Variants in DNAAF9 observed in about 807,000 individuals in gnomAD.
The protein encoded by DNAAF9 is dynein axonemal assembly factor 9, also known as shulin.
In DNAAF9, 90 loss-of-function variants were observed where a neutral mutation model predicts 167.0. The ratio of observed to expected loss-of-function variants is 0.54; its 90% CI spans 0.45 to 0.64. The LOEUF (loss-of-function observed/expected upper bound fraction) is 0.64. Ranked by LOEUF, DNAAF9 falls within the 30% of genes least tolerant of loss-of-function variation. The pLI, the probability that DNAAF9 is intolerant of heterozygous loss-of-function variation, is 0.00. For missense variants in DNAAF9, 1,315 were observed against 1,442.2 expected (o/e 0.91, Z 1.43); for synonymous variants, 491 against 508.8 (o/e 0.96, Z 0.47).
At chr20:3,295,996 G>A (rs1255594576) in intron 23 of DNAAF9, 3 of 1,490,400 alleles carry the variant, frequency 2.0e-6, no homozygotes, top group Non-Finnish European at 2.8e-6. Flanking sequence ...GAGGCACCAT[G>A]TTGTACACAT....
intron 6 of DNAAF9, among the ~76,000 whole-genome samples, chr20:3,367,514 G>A (rs2083445948): frequency 6.6e-6 from 1 of 152,190 alleles, no homozygotes; most frequent in African/African-American, 2.4e-5. Context: ...GATTTAAAAT[G>A]AGAGAATTGT....
At chr20:3,362,545 A>G (rs1270058120) in intron 6 of DNAAF9, among the ~76,000 whole-genome samples, 1 of 150,836 alleles carries the variant, frequency 6.6e-6, no homozygotes, top group African/African-American at 2.4e-5. Context: ...CAATTTGCCT[A>G]CTCCAGGGTG....
chr20:3,361,573 T>C (rs1438782390), intron 6 of DNAAF9, among the ~76,000 whole-genome samples: 1 of 152,150 alleles, frequency 6.6e-6, no homozygotes, highest in Non-Finnish European at 1.5e-5. Flanking sequence ...CTTTTCACAG[T>C]TGAGTTAGAT....
At chr20:3,335,757 CAAAAA>C (rs151182468) in intron 10 of DNAAF9, among the ~76,000 whole-genome samples, 1 of 98,210 alleles carries the variant, frequency 1.0e-5, no homozygotes, top group East Asian at 3.1e-4. Context: ...AACTCCGTCT[CAAAAA>C]AAAAAAAAAA....
At position 3,336,251 on chromosome 20, in the gene DNAAF9, CGTTTTT is replaced by C. The variant is rs1460707203; in HGVS notation, c.982-3896_982-3891del. Among the ~76,000 whole-genome samples, 160 of 68,050 alleles carry C rather than the reference CGTTTTT, an allele frequency of 2.4e-3. 5 individuals are homozygous for C. Among genetic ancestry groups the C allele is most frequent in the African/African-American group, 0.011 (140 of 12,334 alleles). The allele number at this position is 68,050 out of a possible 152,430, so 44.6% of individuals were successfully genotyped here. On this transcript the variant is annotated intron_variant, in intron 10 of 36. Transcript: ENST00000252032. ...TTGATTTTGCAGATTCACAGTTTTG[CGTTTTT>C]GTTTTTTTTTTTTTTTTTGCCAAAT...
In DNAAF9 at chr20:3,315,001, T is replaced by C. The variant is rs764691418; in HGVS notation, c.1678+32A>G. On this transcript the variant is annotated intron_variant, in intron 20 of 36. Coordinates refer to ENST00000252032, the MANE Select transcript of DNAAF9 (RefSeq NM_001009984.3). The surrounding 1 kb of genome is among the most constrained non-coding windows in gnomAD (Gnocchi z 4.1). Reference sequence around the variant, plus strand: ...CATCTGCAAATGAGGGACCCAGACATGGCCAAAAACATTAAAGTCATAGCT... The same window carrying C: ...CATCTGCAAATGAGGGACCCAGACACGGCCAAAAACATTAAAGTCATAGCT... The C allele has an allele frequency of 3.0e-6, 4 of 1,316,180 alleles. No individual in the cohort carries two copies. The highest frequency in any genetic ancestry group is 1.5e-5 in the African/African-American group (1 of 68,848). The allele number at this position is 1,316,180 out of a possible 1,614,324, so 81.5% of individuals were successfully genotyped here.
In DNAAF9 at chr20:3,336,260, T is replaced by TTTTTG. The variant is rs1555793455; in HGVS notation, c.982-3900_982-3899insCAAAA. On this transcript the variant is annotated intron_variant, in intron 10 of 36. Transcript: ENST00000252032. Reference sequence around the variant, plus strand: ...CAGATTCACAGTTTTGCGTTTTTGTTTTTTTTTTTTTTTTTGCCAAATTTG... The same window carrying TTTTTG: ...CAGATTCACAGTTTTGCGTTTTTGTTTTTTGTTTTTTTTTTTTTTTGCCAAATTTG... Among the ~76,000 whole-genome samples, 19 of 141,778 alleles carry TTTTTG rather than the reference T, an allele frequency of 1.3e-4. 1 individual carries two copies. The highest frequency in any genetic ancestry group is 5.4e-4 in the African/African-American group (19 of 35,044). 93.0% of individuals were successfully genotyped at this position (141,778 alleles called of 152,430 possible).
chr20:3,302,588 T>C (rs1239640131), intron 21 of DNAAF9, among the ~76,000 whole-genome samples: 1 of 152,186 alleles, frequency 6.6e-6, no homozygotes, highest in Admixed American at 6.5e-5. Context: ...ACCCATACAA[T>C]GGAATACTAC....
intron 35 of DNAAF9, among the ~76,000 whole-genome samples, chr20:3,254,227 C>T (rs1378149456): frequency 4.6e-5 from 7 of 152,052 alleles, no homozygotes; most frequent in African/African-American, 9.7e-5. Context: ...TACAGGCATG[C>T]GCCACCACGC....
chr20:3,387,884 TAAAAAAAA>T (rs557861791), intron 1 of DNAAF9, among the ~76,000 whole-genome samples: 13 of 87,368 alleles, frequency 1.5e-4, no homozygotes, highest in Admixed American at 5.4e-4. Context: ...CTACAAAAAG[TAAAAAAAA>T]AAAAAAAAAA....
chr20:3,321,631 C>T lies in DNAAF9; in HGVS notation c.1356+586G>A, dbSNP rs1249521965. ...TCATCCAGGCTGGAGTGCAGTGGTG[C>T]AATCACAGTTCACTGCAGTCTCAAA... On this transcript the variant is annotated intron_variant, in intron 16 of 36. Coordinates refer to ENST00000252032, the MANE Select transcript of DNAAF9 (RefSeq NM_001009984.3). 2.0e-5 allele frequency among the ~76,000 whole-genome samples: 3 copies of T among 152,308 alleles called. No individual in the cohort carries two copies. In the East Asian group the frequency reaches 5.8e-4, roughly 29 times the overall value.
At chr20:3,406,784 C>T (rs941389619) in intron 1 of DNAAF9, among the ~76,000 whole-genome samples, 1 of 152,140 alleles carries the variant, frequency 6.6e-6, no homozygotes, top group African/African-American at 2.4e-5. Flanking sequence ...CTCCTGCGTC[C>T]CTAATACCTC....
At chr20:3,278,975 T>C (rs772779353) in intron 28 of DNAAF9, 26 bp from the exon 29 acceptor site, 2 of 1,539,348 alleles carry the variant, frequency 1.3e-6, no homozygotes, top group Admixed American at 1.7e-5. Flanking sequence ...GGGGAAATAT[T>C]TAAAAACCAT....
At chr20:3,339,732 T>C (rs2070040719) in intron 10 of DNAAF9, among the ~76,000 whole-genome samples, 1 of 152,164 alleles carries the variant, frequency 6.6e-6, no homozygotes, top group African/African-American at 2.4e-5. Context: ...CCCCCTCTCC[T>C]AGGGAAGACA....
chr20:3,403,946 T>A (rs1177712074), intron 1 of DNAAF9, among the ~76,000 whole-genome samples: 1 of 152,162 alleles, frequency 6.6e-6, no homozygotes, highest in East Asian at 1.9e-4. Flanking sequence ...TGGCTTCATT[T>A]TCTCTTGAAC....
At chr20:3,281,979 C>T (rs1458112159) in intron 27 of DNAAF9, among the ~76,000 whole-genome samples, 5 of 152,170 alleles carry the variant, frequency 3.3e-5, no homozygotes, top group Admixed American at 3.3e-4. Flanking sequence ...GTCCTCATAA[C>T]TGGGCAAGAG....
chr20:3,381,699 C>G (rs1324087701), intron 2 of DNAAF9, among the ~76,000 whole-genome samples: 2 of 152,118 alleles, frequency 1.3e-5, no homozygotes, highest in Non-Finnish European at 2.9e-5. Context: ...ATTCCAACGT[C>G]TTGTAATTGA....
At chr20:3,304,277 C>A (rs2069247864) in intron 21 of DNAAF9, among the ~76,000 whole-genome samples, 163 bp downstream of exon 21, 1 of 152,168 alleles carries the variant, frequency 6.6e-6, no homozygotes, top group Admixed American at 6.5e-5. Flanking sequence ...TGAGAATGCC[C>A]AGGCCTCTCC....
chr20:3,347,354 G>C (rs1340818419), intron 8 of DNAAF9, among the ~76,000 whole-genome samples: 1 of 152,034 alleles, frequency 6.6e-6, no homozygotes, highest in African/African-American at 2.4e-5. Flanking sequence ...CTCAAAAGCT[G>C]CAAGAATTTA....
Sources: gnomAD v4.1 joint callset for allele counts (sites outside exome capture counted in the v4.1 genomes callset) on GRCh38, gnomAD v4.1.1 for gene constraint, Gnocchi (gnomAD v3.1) non-coding constraint, MANE v1.5 for transcripts, NCBI Gene and HGNC (gene_info 2026-07-23, HGNC 2026-07-21) for gene names.